PSME3IP1: variants seen among roughly 807,000 people sequenced by gnomAD.
PSME3IP1 encodes the protein proteasome activator subunit 3 interacting protein 1.
In PSME3IP1, 13 loss-of-function variants were observed where a neutral mutation model predicts 34.1. The ratio of observed to expected loss-of-function variants is 0.38; its 90% CI spans 0.25 to 0.61. The LOEUF is 0.61. Among genes scored for constraint, PSME3IP1 ranks in the 20% least tolerant of loss-of-function variants. The pLI, the probability that PSME3IP1 is intolerant of heterozygous loss-of-function variation, is 0.60. For synonymous variants in PSME3IP1, 93 were observed against 114.3 expected (o/e 0.81, Z 1.19); for missense variants, 237 against 301.4 (o/e 0.79, Z 1.58).
intron 5 of PSME3IP1, 60 bp downstream of exon 5, chr16:57,167,033 A>AGT (rs2071961074): frequency 1.5e-5 from 24 of 1,595,278 alleles, no homozygotes; most frequent in Non-Finnish European, 2.0e-5. Flanking sequence ...CTTCCATTAC[A>AGT]AGTGGTGTTT....
rs1368027948 is a variant in PSME3IP1 at position 57,154,771 on chromosome 16, C to T, written c.548-264G>A. 6.6e-6 allele frequency among the ~76,000 whole-genome samples: 1 copy of T among 152,178 alleles called. No homozygotes were observed. Among genetic ancestry groups the T allele is most frequent in the Non-Finnish European group, 1.5e-5 (1 of 68,028 alleles). On this transcript the variant is annotated intron_variant, in intron 6 of 6. Transcript: ENST00000309137. The surrounding 1 kb of genome is among the most constrained non-coding windows in gnomAD (Gnocchi z 4.0). The stretch of plus-strand genomic sequence containing the variant: ...AGGTCTTTTTAACCCCAGAGCCTGA[C>T]TACACTCTCTTGTTCCCCATCAAAT...
chr16:57,162,664 C>CAAA (rs773301974), intron 6 of PSME3IP1, among the ~76,000 whole-genome samples: 3 of 55,688 alleles, frequency 5.4e-5, no homozygotes, highest in Non-Finnish European at 1.1e-4. Flanking sequence ...GACCCTGTCT[C>CAAA]AAAAAAAAAA....
chr16:57,176,731 T>G (rs1201666010), intron 1 of PSME3IP1, among the ~76,000 whole-genome samples: 1 of 152,160 alleles, frequency 6.6e-6, no homozygotes, highest in Non-Finnish European at 1.5e-5. Flanking sequence ...TGGAGAAAAA[T>G]AATCATGTCT....
rs760094794 is a variant in PSME3IP1 at position 57,173,838 on chromosome 16, T to C, written c.17A>G (p.Asp6Gly). The C allele has an allele frequency of 1.5e-5, 25 of 1,613,744 alleles. No homozygotes were observed. The highest frequency in any genetic ancestry group is 1.0e-4 in the Admixed American group (6 of 59,972). ...CCTCTTTTTGATAATAAGGTTACCATCATCCCCTCCATCCATAATGAAACA... is the reference window on the plus strand; with the variant it reads ...CCTCTTTTTGATAATAAGGTTACCACCATCCCCTCCATCCATAATGAAACA... MDGGD[D>G]GNLIIKKRFV... Residue 6 changes from aspartate to glycine, a missense_variant, in exon 2 of 7, where the codon GAT (aspartate) becomes GGT (glycine). Coordinates refer to ENST00000309137, the MANE Select transcript of PSME3IP1 (RefSeq NM_024946.4).
chr16:57,185,837 G>C lies in PSME3IP1; in HGVS notation c.-32C>G. The C allele has an allele frequency of 1.0e-6, 1 of 985,344 alleles. No homozygotes were observed. Among genetic ancestry groups the C allele is most frequent in the Non-Finnish European group, 1.2e-6 (1 of 829,934 alleles). 61.0% of individuals were successfully genotyped at this position (985,344 alleles called of 1,614,324 possible). A position where few individuals can be genotyped will look rare whatever the true frequency, so the allele number is the denominator to read the frequency against. Reference sequence around the variant, plus strand: ...CGCACTCACCTACCGGCGCGCGGGAGGCGAGACGACCTCACCTCGGCGGCG... The same window carrying C: ...CGCACTCACCTACCGGCGCGCGGGACGCGAGACGACCTCACCTCGGCGGCG... On this transcript the variant is annotated 5_prime_UTR_variant, in exon 1 of 7. Coordinates refer to ENST00000309137, the MANE Select transcript of PSME3IP1 (RefSeq NM_024946.4).
chr16:57,159,071 T>A (rs1655195430), intron 6 of PSME3IP1, among the ~76,000 whole-genome samples: 1 of 152,202 alleles, frequency 6.6e-6, no homozygotes, highest in African/African-American at 2.4e-5. Flanking sequence ...GAATTTAAAG[T>A]TCTATTTTAC....
intron 6 of PSME3IP1, among the ~76,000 whole-genome samples, chr16:57,162,703 G>T (rs2071404027): frequency 6.7e-6 from 1 of 148,486 alleles, no homozygotes; most frequent in African/African-American, 2.5e-5. Flanking sequence ...GGTCTTTCCT[G>T]TAGGAGATAC....
At chr16:57,185,359 A>C (rs2074077912) in intron 1 of PSME3IP1, among the ~76,000 whole-genome samples, 1 of 152,190 alleles carries the variant, frequency 6.6e-6, no homozygotes, top group Non-Finnish European at 1.5e-5. Flanking sequence ...GTTTTCCGTA[A>C]TAGAAAATTC....
intron 6 of PSME3IP1, among the ~76,000 whole-genome samples, chr16:57,157,621 C>CA (rs1555484216): frequency 7.0e-6 from 1 of 143,474 alleles, no homozygotes; most frequent in African/African-American, 2.5e-5. Context: ...TCTTTTTTTT[C>CA]TTTTTTTTTT....
intron 6 of PSME3IP1, among the ~76,000 whole-genome samples, chr16:57,158,949 A>T (rs2070897029): frequency 6.6e-6 from 1 of 152,240 alleles, no homozygotes; most frequent in Non-Finnish European, 1.5e-5. Context: ...AGCATAGAAA[A>T]AGGCATAGTA....
intron 4 of PSME3IP1, 148 bp from the exon 5 acceptor site, chr16:57,167,374 T>C (rs1390248713): frequency 4.4e-6 from 4 of 915,946 alleles, no homozygotes; most frequent in Non-Finnish European, 6.8e-6. Flanking sequence ...ATCCAGCCAA[T>C]TCAAAGATAA....
intron 4 of PSME3IP1, 43 bp downstream of exon 4, chr16:57,172,208 A>C (rs1006797229): frequency 5.0e-6 from 8 of 1,606,044 alleles, no homozygotes; most frequent in Non-Finnish European, 5.9e-6. Context: ...TGCTGATGAG[A>C]AAATGGACAC....
intron 6 of PSME3IP1, among the ~76,000 whole-genome samples, chr16:57,157,599 A>T (rs1431541370): frequency 6.6e-6 from 1 of 151,560 alleles, no homozygotes; most frequent in Non-Finnish European, 1.5e-5. Context: ...GTCCCTTTTG[A>T]ATTTTTCCTT....
intron 2 of PSME3IP1, among the ~76,000 whole-genome samples, chr16:57,173,196 G>A (rs1331671435): frequency 6.6e-6 from 1 of 152,190 alleles, no homozygotes; most frequent in Non-Finnish European, 1.5e-5. Flanking sequence ...TGTATAGATG[G>A]AGGAGAGGAG....
chr16:57,166,941 C>T (rs2071947060), intron 5 of PSME3IP1, 152 bp downstream of exon 5: 6 of 792,896 alleles, frequency 7.6e-6, no homozygotes, highest in Non-Finnish European at 1.2e-5. Context: ...CTATAGAAGG[C>T]CTCAAATCTG....
At chr16:57,177,225 A>C (rs532256734) in intron 1 of PSME3IP1, among the ~76,000 whole-genome samples, 3 of 152,216 alleles carry the variant, frequency 2.0e-5, no homozygotes, top group Admixed American at 6.5e-5. Context: ...AATAAAAACA[A>C]ACCCTAGAAT....
chr16:57,182,341 C>T (rs913157497), intron 1 of PSME3IP1, among the ~76,000 whole-genome samples: 7 of 151,818 alleles, frequency 4.6e-5, no homozygotes, highest in Non-Finnish European at 4.4e-5. Context: ...ATTTTGTCAT[C>T]TAGGCTCGCT....
At chr16:57,184,849 T>C (rs1182181642) in intron 1 of PSME3IP1, among the ~76,000 whole-genome samples, 2 of 152,252 alleles carry the variant, frequency 1.3e-5, no homozygotes, top group African/African-American at 2.4e-5. Context: ...CAGCCTCTAC[T>C]TTCAGATCCT....
At chr16:57,160,857 A>G (rs926015529) in intron 6 of PSME3IP1, among the ~76,000 whole-genome samples, 12 of 152,354 alleles carry the variant, frequency 7.9e-5, no homozygotes, top group Admixed American at 4.6e-4. Context: ...AACCAACTTG[A>G]TCAACCTTCC....
Sources: allele counts gnomAD v4.1 joint callset (sites outside exome capture counted in the v4.1 genomes callset), GRCh38; gene constraint gnomAD v4.1.1; non-coding constraint Gnocchi (gnomAD v3.1); transcripts MANE v1.5; gene names NCBI Gene and HGNC (gene_info 2026-07-23, HGNC 2026-07-21).